The following ATRNL1 variants were observed in gnomAD, a reference collection of about 807,000 sequenced individuals.
The protein encoded by ATRNL1 is attractin like 1.
In ATRNL1, 95 loss-of-function variants were observed where a neutral mutation model predicts 182.7. The ratio of observed to expected loss-of-function variants is 0.52; its 90% CI spans 0.44 to 0.62. The LOEUF (loss-of-function observed/expected upper bound fraction) is 0.62. Ranked by LOEUF, ATRNL1 falls within the 20% of genes least tolerant of loss-of-function variation. The pLI, the probability that ATRNL1 is intolerant of heterozygous loss-of-function variation, is 0.00. For missense variants in ATRNL1, 1,471 were observed against 1,679.5 expected (o/e 0.88, Z 2.17); for synonymous variants, 576 against 568.3 (o/e 1.01, Z -0.19).
intron 26 of ATRNL1, among the ~76,000 whole-genome samples, chr10:115,703,489 A>T (rs1555052221): frequency 6.6e-6 from 1 of 151,946 alleles, no homozygotes; most frequent in African/African-American, 2.4e-5. Flanking sequence ...AAAACTACTT[A>T]TGACAGTGGT....
chr10:115,769,344 AGCT>A (rs1178823588), intron 27 of ATRNL1, among the ~76,000 whole-genome samples: 1 of 152,194 alleles, frequency 6.6e-6, no homozygotes, highest in Non-Finnish European at 1.5e-5. Flanking sequence ...GAATATTTGT[AGCT>A]GCAATTTATA....
At chr10:115,337,541 C>T (rs1855550575) in intron 19 of ATRNL1, among the ~76,000 whole-genome samples, 1 of 152,106 alleles carries the variant, frequency 6.6e-6, no homozygotes, top group African/African-American at 2.4e-5. Context: ...CTCCCCAGCA[C>T]CCCATTACCC....
chr10:115,572,828 C>T (rs1854478444), intron 26 of ATRNL1, among the ~76,000 whole-genome samples: 1 of 152,252 alleles, frequency 6.6e-6, no homozygotes, highest in South Asian at 2.1e-4. Context: ...CCTGATTCCC[C>T]TTGCAGGACA....
intron 27 of ATRNL1, among the ~76,000 whole-genome samples, chr10:115,768,047 A>G (rs781926534): frequency 3.9e-5 from 6 of 152,180 alleles, no homozygotes; most frequent in Admixed American, 3.3e-4. Context: ...AATATACCCA[A>G]TGCTCAATAA....
At chr10:115,216,623 TTA>T (rs1300251181) in intron 9 of ATRNL1, among the ~76,000 whole-genome samples, 9 of 151,988 alleles carry the variant, frequency 5.9e-5, no homozygotes, top group African/African-American at 2.2e-4. Flanking sequence ...ATTTTTTTGG[TTA>T]TAGAAGTTTT....
Position 115,120,188 on chromosome 10 carries a change from A to G in ATRNL1, c.297A>G (p.Leu99=). 1 of 1,513,970 alleles carries G rather than the reference A, an allele frequency of 6.6e-7. No homozygotes were observed. Among genetic ancestry groups the G allele is most frequent in the Non-Finnish European group, 9.1e-7 (1 of 1,094,840 alleles). 93.8% of individuals were successfully genotyped at this position (1,513,970 alleles called of 1,614,324 possible). ...ATTATTTTATTTTCTCTTCCAGGTT[A>G]ACAGAACCTTCTGGATATTTAACAG... ...QCQHCQGRFK[L]TEPSGYLTDG... is the part of the protein sequence containing the mutation. The change falls in exon 2 of 29, where the codon TTA becomes TTG. Residue 99 remains leucine (L), a synonymous_variant. Transcript: ENST00000355044.
intron 26 of ATRNL1, among the ~76,000 whole-genome samples, chr10:115,684,293 C>G (rs2047625528): frequency 6.6e-6 from 1 of 151,006 alleles, no homozygotes; most frequent in East Asian, 1.9e-4. Flanking sequence ...CCTCCAAAAT[C>G]AATGCATTTT....
chr10:115,286,695 T>C (rs1271643929), intron 15 of ATRNL1, among the ~76,000 whole-genome samples: 2 of 151,968 alleles, frequency 1.3e-5, no homozygotes. Flanking sequence ...CTTGGTATAG[T>C]GTGGCAGAAA....
chr10:115,705,577 A>G (rs1442649760), intron 26 of ATRNL1, among the ~76,000 whole-genome samples: 1 of 151,932 alleles, frequency 6.6e-6, no homozygotes, highest in Admixed American at 6.6e-5. Context: ...TAAAATATGC[A>G]TGTACTATAA....
chr10:115,528,958 C>T (rs1554987444), intron 25 of ATRNL1, among the ~76,000 whole-genome samples: 1 of 152,018 alleles, frequency 6.6e-6, no homozygotes, highest in African/African-American at 2.4e-5. Context: ...CTAACTTTAT[C>T]CCACTGTGGG....
chr10:115,173,903 GTT>G (rs58406261), intron 8 of ATRNL1, among the ~76,000 whole-genome samples: 1 of 140,576 alleles, frequency 7.1e-6, no homozygotes. Flanking sequence ...TGTGATTCCT[GTT>G]TTTTTTTTTG....
intron 26 of ATRNL1, among the ~76,000 whole-genome samples, chr10:115,574,512 A>G (rs1436241042): frequency 1.3e-5 from 2 of 152,176 alleles, no homozygotes; most frequent in Non-Finnish European, 2.9e-5. Context: ...ATTATCAAAA[A>G]TATTTAATAT....
chr10:115,759,303 C>G (rs1359441604), intron 27 of ATRNL1, among the ~76,000 whole-genome samples: 1 of 152,116 alleles, frequency 6.6e-6, no homozygotes. Flanking sequence ...TTGGGTTGTT[C>G]TATGAGAAAA....
intron 5 of ATRNL1, among the ~76,000 whole-genome samples, chr10:115,139,556 C>T (rs1207026763): frequency 6.6e-6 from 1 of 152,174 alleles, no homozygotes; most frequent in Non-Finnish European, 1.5e-5. Context: ...GTGAGACTTA[C>T]TTGCTATCAC....
intron 26 of ATRNL1, among the ~76,000 whole-genome samples, chr10:115,682,286 C>A (rs1221220760): frequency 6.6e-6 from 1 of 152,098 alleles, no homozygotes; most frequent in Non-Finnish European, 1.5e-5. Context: ...CACCTGTAAT[C>A]CCAGCACTTT....
intron 5 of ATRNL1, among the ~76,000 whole-genome samples, chr10:115,157,079 T>G (rs1846555728): frequency 6.6e-6 from 1 of 152,150 alleles, no homozygotes; most frequent in Admixed American, 6.6e-5. Context: ...TTATTATATA[T>G]TTCATAGCTA....
intron 20 of ATRNL1, among the ~76,000 whole-genome samples, chr10:115,403,853 C>A (rs1398568243): frequency 6.6e-6 from 1 of 152,140 alleles, no homozygotes; most frequent in African/African-American, 2.4e-5. Context: ...AGTTAAGCAG[C>A]CTTGATGTCT....
At chr10:115,142,896 G>A (rs1554878381) in intron 5 of ATRNL1, among the ~76,000 whole-genome samples, 1 of 152,154 alleles carries the variant, frequency 6.6e-6, no homozygotes, top group Non-Finnish European at 1.5e-5. Flanking sequence ...TGAGCAAATG[G>A]AAAGACAGAG....
chr10:115,621,315 T>TGAGAGAGAGAGA (rs1347324012), intron 26 of ATRNL1, among the ~76,000 whole-genome samples: 1 of 90,036 alleles, frequency 1.1e-5, no homozygotes, highest in East Asian at 2.8e-4. Flanking sequence ...AGAGAGAGAG[T>TGAGAGAGAGAGA]GTGTGAGTGA....
Sources: gnomAD v4.1 joint callset for allele counts (sites outside exome capture counted in the v4.1 genomes callset) on GRCh38, gnomAD v4.1.1 for gene constraint, MANE v1.5 for transcripts, NCBI Gene and HGNC (gene_info 2026-07-23, HGNC 2026-07-21) for gene names.